CDC42SE2: variants seen among roughly 807,000 people sequenced by gnomAD.
CDC42SE2 encodes CDC42 small effector 2, also known as CDC42 small effector protein 2.
A neutral mutation model predicts 11.5 loss-of-function variants in CDC42SE2; 3 were observed. That is an observed-to-expected ratio of 0.26 (90% confidence interval 0.12 to 0.67). The LOEUF (loss-of-function observed/expected upper bound fraction) is 0.67. Ranked by LOEUF, CDC42SE2 falls within the 30% of genes least tolerant of loss-of-function variation. The pLI, the probability that CDC42SE2 is intolerant of heterozygous loss-of-function variation, is 0.80. For synonymous variants in CDC42SE2, 33 were observed against 34.8 expected (o/e 0.95, Z 0.18); for missense variants, 82 against 106.8 (o/e 0.77, Z 1.02).
At chr5:131,369,862 C>T (rs909251528) in intron 3 of CDC42SE2, among the ~76,000 whole-genome samples, 6 of 152,242 alleles carry the variant, frequency 3.9e-5, no homozygotes, top group South Asian at 2.1e-4. Flanking sequence ...TAAACTGAAG[C>T]AGATTAAAGT....
At chr5:131,256,568 A>G (rs1756681507) in intron 2 of CDC42SE2, among the ~76,000 whole-genome samples, 1 of 152,194 alleles carries the variant, frequency 6.6e-6, no homozygotes, top group Non-Finnish European at 1.5e-5. Flanking sequence ...GGTGTTTGCA[A>G]GTCAGAGTTC....
rs556255643 is a variant in CDC42SE2 at position 131,346,358 on chromosome 5, C to T, written c.-285-12851C>T. On this transcript the variant is annotated intron_variant, in intron 2 of 4. Coordinates refer to ENST00000505065, the MANE Select transcript of CDC42SE2 (RefSeq NM_001375635.1). ...AAAAAGGAGGGGTTGCAATCCTAGT[C>T]TCTGATAAAACAGACTTTAAACCAA... is the stretch of plus-strand genomic sequence containing the variant. Among the ~76,000 whole-genome samples, 52 of 152,238 alleles carry T rather than the reference C, an allele frequency of 3.4e-4. No homozygotes were observed. In the East Asian group the frequency reaches 9.8e-3, roughly 29 times the overall value.
At chr5:131,294,926 G>C (rs965904899) in intron 1 of CDC42SE2, among the ~76,000 whole-genome samples, 4 of 152,132 alleles carry the variant, frequency 2.6e-5, no homozygotes, top group Non-Finnish European at 5.9e-5. Flanking sequence ...AGGAGATCAA[G>C]ACCATCCTGG....
At chr5:131,237,510 T>G in the CDC42SE2 span, among the ~76,000 whole-genome samples, 2 of 152,244 alleles carry the variant, frequency 1.3e-5, no homozygotes, top group African/African-American at 4.8e-5. Context: ...TTTCTTTCTT[T>G]TTTAGGAATT....
intron 1 of CDC42SE2, among the ~76,000 whole-genome samples, chr5:131,314,074 A>G (rs1001908617): frequency 6.6e-6 from 1 of 152,310 alleles, no homozygotes; most frequent in Non-Finnish European, 1.5e-5. Flanking sequence ...TGTGTTGACT[A>G]TATTGATCAA....
chr5:131,282,663 C>T (rs1018741538), intron 1 of CDC42SE2, among the ~76,000 whole-genome samples: 6 of 152,014 alleles, frequency 3.9e-5, no homozygotes, highest in Non-Finnish European at 8.8e-5. Flanking sequence ...GAATCTTGCT[C>T]TGTCACCTAG....
chr5:131,313,875 C>T (rs867242841), intron 1 of CDC42SE2, among the ~76,000 whole-genome samples: 13 of 152,106 alleles, frequency 8.5e-5, no homozygotes, highest in South Asian at 4.2e-4. Context: ...TCACCCTGGC[C>T]GTAGTGCAGT....
At chr5:131,310,654 A>G (rs954345690) in intron 1 of CDC42SE2, among the ~76,000 whole-genome samples, 2 of 152,074 alleles carry the variant, frequency 1.3e-5, no homozygotes, top group African/African-American at 4.8e-5. Flanking sequence ...ATATATATTT[A>G]GGATAGTTAG....
At chr5:131,217,264 A>G in the CDC42SE2 span, among the ~76,000 whole-genome samples, 2 of 152,230 alleles carry the variant, frequency 1.3e-5, no homozygotes, top group African/African-American at 4.8e-5. Context: ...GACAGAGACT[A>G]TATGGCCCAC....
At chr5:131,340,583 A>G (rs1281063497) in intron 2 of CDC42SE2, among the ~76,000 whole-genome samples, 1 of 152,142 alleles carries the variant, frequency 6.6e-6, no homozygotes, top group Non-Finnish European at 1.5e-5. Context: ...AATTATTCCA[A>G]AATTACAATT....
At chr5:131,308,446 A>G (rs1757825643) in intron 1 of CDC42SE2, among the ~76,000 whole-genome samples, 1 of 152,012 alleles carries the variant, frequency 6.6e-6, no homozygotes, top group South Asian at 2.1e-4. Flanking sequence ...TTGGTTCCAT[A>G]TGAACTTGAA....
chr5:131,290,466 T>A (rs1757433051), intron 1 of CDC42SE2, among the ~76,000 whole-genome samples: 1 of 150,444 alleles, frequency 6.6e-6, no homozygotes. Flanking sequence ...TGCTTCTTTT[T>A]TCTTTCTTTT....
At chr5:131,295,106 G>A (rs1036499696) in intron 1 of CDC42SE2, among the ~76,000 whole-genome samples, 5 of 149,470 alleles carry the variant, frequency 3.3e-5, no homozygotes, top group African/African-American at 9.7e-5. Flanking sequence ...CATTCTGGGT[G>A]GCAGAGTGAG....
intron 1 of CDC42SE2, among the ~76,000 whole-genome samples, chr5:131,309,815 G>C (rs925035517): frequency 1.6e-4 from 24 of 152,026 alleles, no homozygotes; most frequent in African/African-American, 5.5e-4. Flanking sequence ...TTTTTTATTG[G>C]GTCTATTTGA....
At chr5:131,313,391 A>C (rs1757972666) in intron 1 of CDC42SE2, among the ~76,000 whole-genome samples, 1 of 152,162 alleles carries the variant, frequency 6.6e-6, no homozygotes, top group East Asian at 1.9e-4. Context: ...TGAAATTATT[A>C]CTTTGTCTTT....
chr5:131,227,160 A>G, the CDC42SE2 span, among the ~76,000 whole-genome samples: 1 of 152,132 alleles, frequency 6.6e-6, no homozygotes, highest in South Asian at 2.1e-4. Flanking sequence ...GCACTTTGGG[A>G]GGCCAAAGTG....
At chr5:131,298,996 T>C (rs1373202098) in intron 1 of CDC42SE2, among the ~76,000 whole-genome samples, 1 of 152,144 alleles carries the variant, frequency 6.6e-6, no homozygotes, top group Non-Finnish European at 1.5e-5. Flanking sequence ...GATAGCCATA[T>C]CAAGTTCTGA....
intron 2 of CDC42SE2, among the ~76,000 whole-genome samples, chr5:131,257,633 A>G (rs1004714820): frequency 6.6e-6 from 1 of 151,718 alleles, no homozygotes; most frequent in African/African-American, 2.4e-5. Context: ...GCGCACCACC[A>G]TGCCTGGCTA....
intron 3 of CDC42SE2, among the ~76,000 whole-genome samples, chr5:131,363,101 G>A (rs1049348215): frequency 6.6e-6 from 1 of 151,682 alleles, no homozygotes; most frequent in Admixed American, 6.6e-5. Context: ...CTGAGATTGC[G>A]CCGCTGTGCT....
Sources: gnomAD v4.1 joint callset for allele counts (sites outside exome capture counted in the v4.1 genomes callset) on GRCh38, gnomAD v4.1.1 for gene constraint, MANE v1.5 for transcripts, NCBI Gene and HGNC (gene_info 2026-07-23, HGNC 2026-07-21) for gene names.